Variants in NFAT5 observed in about 807,000 individuals in gnomAD.
The protein encoded by NFAT5 is nuclear factor of activated T cells 5.
In NFAT5, 31 loss-of-function variants were observed where a neutral mutation model predicts 166.5. The observed-to-expected ratio is 0.19, with a 90% CI of 0.14 to 0.25. The LOEUF (loss-of-function observed/expected upper bound fraction) is 0.25, where lower values mean the gene tolerates loss of function less well. NFAT5 is among the 10% of genes least tolerant of loss of function. NFAT5 has a pLI of 1.00. For missense variants in NFAT5, 1,449 were observed against 1,821.8 expected (o/e 0.80, Z 3.72); for synonymous variants, 612 against 639.7 (o/e 0.96, Z 0.65).
intron 3 of NFAT5, chr16:69,646,424 A>T: frequency 2.2e-6 from 1 of 459,132 alleles, no homozygotes; most frequent in South Asian, 2.4e-5. Context: ...TCAGTTGATT[A>T]TATATTTTTT....
At chr16:69,575,975 C>T (rs914363979) in intron 2 of NFAT5, among the ~76,000 whole-genome samples, 1 of 151,880 alleles carries the variant, frequency 6.6e-6, no homozygotes, top group South Asian at 2.1e-4. Context: ...TACCCCAGAG[C>T]TGTGAGATTA....
intron 9 of NFAT5, among the ~76,000 whole-genome samples, chr16:69,675,556 T>A (rs565569226): frequency 6.6e-6 from 1 of 152,334 alleles, no homozygotes; most frequent in South Asian, 2.1e-4. Context: ...TCCACCTAGT[T>A]GAAAAGAATG....
chr16:69,669,470 A>G (rs1174395033), intron 7 of NFAT5, among the ~76,000 whole-genome samples: 2 of 152,120 alleles, frequency 1.3e-5, no homozygotes, highest in African/African-American at 2.4e-5. Flanking sequence ...ACTTGAGCCC[A>G]GGAGGCAGAG....
Position 69,693,796 on chromosome 16 carries a change from A to C in NFAT5, c.3971A>C (p.Gln1324Pro). 1 of 1,614,248 alleles carries C rather than the reference A, an allele frequency of 6.2e-7. No homozygotes were observed. Among genetic ancestry groups the C allele is most frequent in the East Asian group, 2.2e-5 (1 of 44,894 alleles). Residue 1324 changes from glutamine (Q) to proline (P), a missense_variant, in exon 13 of 15, where the codon CAG becomes CCG. Physicochemically the swap from Gln to Pro is moderately conservative, Grantham distance 76 (BLOSUM62 -1). This residue lies in a region of NFAT5 where 891 missense variants were observed against 993.0 expected (regional missense o/e 0.90). Transcript: ENST00000349945. ...ATGGCTAATCAGGAGCAACAGAACC[A>C]GTCAATTTTTCACCAACAAAGTAAC... Reference protein sequence around the residue: ...NPMANQEQQNQSIFHQQSNMA... With the variant: ...NPMANQEQQNPSIFHQQSNMA...
intron 3 of NFAT5, among the ~76,000 whole-genome samples, chr16:69,631,305 T>C (rs244416): frequency 0.89 from 135,620 of 152,024 alleles, 60,670 homozygotes; most frequent in African/African-American, 0.96. Context: ...GTGGCAGGCT[T>C]CTGTAATCCC....
At chr16:69,652,077 C>T (rs985077078) in intron 4 of NFAT5, among the ~76,000 whole-genome samples, 5 of 152,106 alleles carry the variant, frequency 3.3e-5, no homozygotes, top group Admixed American at 6.6e-5. Flanking sequence ...AAGTCATAAC[C>T]ACCATTTGGG....
At position 69,693,626 on chromosome 16, in the gene NFAT5, A is replaced by ACAGCAGCAG. The variant is rs750951612; in HGVS notation, c.3810_3818dup (p.Gln1282_Gln1284dup). ...TGCAGAGTAACTCTCCATCCCAGGA[A>ACAGCAGCAG]CAGCAGCAGCAGCAGCAACAGCAGC... On this transcript the variant is annotated inframe_insertion, in exon 13 of 15. Transcript: ENST00000349945. 5 of 1,613,900 alleles carry ACAGCAGCAG rather than the reference A, an allele frequency of 3.1e-6. No homozygotes were observed. In the East Asian group the frequency reaches 1.1e-4, roughly 36 times the overall value.
chr16:69,657,604 CA>C (rs1211637602), intron 6 of NFAT5, among the ~76,000 whole-genome samples: 1 of 147,430 alleles, frequency 6.8e-6, no homozygotes, highest in Non-Finnish European at 1.5e-5. Context: ...ACTAAAAATA[CA>C]AAAAATTAGC....
chr16:69,597,944 G>GA (rs1567529244), intron 2 of NFAT5, among the ~76,000 whole-genome samples: 1 of 152,122 alleles, frequency 6.6e-6, no homozygotes, highest in Non-Finnish European at 1.5e-5. Context: ...ACCCTTGCTA[G>GA]GCCTTAGTAA....
chr16:69,625,066 A>AT (rs1196124622), intron 2 of NFAT5, among the ~76,000 whole-genome samples: 1 of 151,748 alleles, frequency 6.6e-6, no homozygotes, highest in Non-Finnish European at 1.5e-5. Context: ...TGCCCAGCTA[A>AT]TTTTTTGTAT....
intron 4 of NFAT5, chr16:69,648,978 G>A: frequency 3.1e-6 from 3 of 974,632 alleles, no homozygotes; most frequent in Non-Finnish European, 3.7e-6. Flanking sequence ...TAAGGGTGAT[G>A]TAGTTAAATG....
chr16:69,694,311 C>A, intron 13 of NFAT5, 72 bp downstream of exon 13: 1 of 1,185,140 alleles, frequency 8.4e-7, no homozygotes. Context: ...TGCAGTGGTG[C>A]GATCTCAGCT....
intron 3 of NFAT5, among the ~76,000 whole-genome samples, chr16:69,631,968 G>A (rs12931169): frequency 0.018 from 2,780 of 152,242 alleles, 47 homozygotes; most frequent in Middle Eastern, 0.037. Flanking sequence ...GATATATAGT[G>A]CTTTGAGTTC....
chr16:69,623,793 C>T (rs2034312095), intron 2 of NFAT5, among the ~76,000 whole-genome samples: 2 of 150,352 alleles, frequency 1.3e-5, no homozygotes, highest in Middle Eastern at 6.8e-3. Flanking sequence ...AGGCATGAGC[C>T]ACCACACCTG....
At chr16:69,577,324 C>T (rs953651422) in intron 2 of NFAT5, among the ~76,000 whole-genome samples, 2 of 152,056 alleles carry the variant, frequency 1.3e-5, no homozygotes, top group African/African-American at 2.4e-5. Flanking sequence ...TGGGCCAGAA[C>T]CTATGTGTAA....
chr16:69,703,121 C>T lies in NFAT5; in HGVS notation c.*6770C>T, dbSNP rs1323776397. 2.6e-5 allele frequency: 4 copies of T among 152,598 alleles called. No homozygotes were observed. The highest frequency in any genetic ancestry group is 5.9e-5 in the Non-Finnish European group (4 of 68,034). The allele number at this position is 152,598 out of a possible 1,614,324, so 9.5% of individuals were successfully genotyped here. A position where few individuals can be genotyped will look rare whatever the true frequency, so the allele number is the denominator to read the frequency against. On this transcript the variant is annotated 3_prime_UTR_variant, in exon 15 of 15. Coordinates refer to ENST00000349945, the MANE Select transcript of NFAT5 (RefSeq NM_138713.4). Reference sequence around the variant, plus strand: ...CAAGCTTTCTTTTCATTGCCTAGTACTTTACCAGCAGACCACAGTTTTGCC... The same window carrying T: ...CAAGCTTTCTTTTCATTGCCTAGTATTTTACCAGCAGACCACAGTTTTGCC...
Position 69,642,850 on chromosome 16 carries a change from A to G in NFAT5, c.254-4178A>G, listed in dbSNP as rs188261250. 4.6e-5 allele frequency among the ~76,000 whole-genome samples: 7 copies of G among 152,102 alleles called. No homozygotes were observed. In the East Asian group the frequency reaches 1.2e-3, roughly 25 times the overall value. On this transcript the variant is annotated intron_variant, in intron 3 of 14. Coordinates refer to ENST00000349945, the MANE Select transcript of NFAT5 (RefSeq NM_138713.4). ...GAAAAGAAAAGAAAAGAAAAAGGAAAAAAAAAGTATTCTATATAAGTTAGA... is the reference window on the plus strand; with the variant it reads ...GAAAAGAAAAGAAAAGAAAAAGGAAGAAAAAAGTATTCTATATAAGTTAGA...
chr16:69,638,735 C>CAAAA (rs34075469), intron 3 of NFAT5, among the ~76,000 whole-genome samples: 3 of 88,192 alleles, frequency 3.4e-5, no homozygotes, highest in Admixed American at 1.3e-4. Flanking sequence ...GACTCGGTCT[C>CAAAA]AAAAAAAAAA....
At chr16:69,630,009 T>C (rs995413413) in intron 3 of NFAT5, among the ~76,000 whole-genome samples, 5 of 151,648 alleles carry the variant, frequency 3.3e-5, no homozygotes, top group African/African-American at 1.2e-4. Context: ...TGATCTCAGC[T>C]CACTGCAACC....
Sources: gnomAD v4.1 joint callset for allele counts (sites outside exome capture counted in the v4.1 genomes callset) on GRCh38, gnomAD v4.1.1 for gene constraint, gnomAD v4.1.1 regional missense constraint, MANE v1.5 for transcripts, NCBI Gene and HGNC (gene_info 2026-07-23, HGNC 2026-07-21) for gene names.